The following DACH1 variants were observed in gnomAD, a reference collection of about 807,000 sequenced individuals.
The protein encoded by DACH1 is dachshund homolog 1.
In DACH1, 12 loss-of-function variants were observed where a neutral mutation model predicts 54.2. That is an observed-to-expected ratio of 0.22 (90% CI 0.14 to 0.36). DACH1 has a LOEUF of 0.36. Ranked by LOEUF, DACH1 falls within the 10% of genes least tolerant of loss-of-function variation. The probability of loss-of-function intolerance (pLI) is 1.00; values close to 1 mark genes in which losing one functional copy is unlikely to be tolerated. For synonymous variants in DACH1, 386 were observed against 366.2 expected, an observed-to-expected ratio of 1.05 and a Z score of -0.62; for missense variants, 805 against 929.8, an observed-to-expected ratio of 0.87 and a Z score of 1.75.
rs1477754111 is a variant in DACH1, at chr13:71,600,056, T to G, written c.1127-27044A>C. On this transcript the variant is annotated intron_variant, in intron 3 of 10. Coordinates refer to ENST00000613252, the MANE Select transcript of DACH1 (RefSeq NM_080759.6). ...AATATCTGAATGTCTTAATCAGTTA[T>G]TTGAAACTCACAGAAAGAGGAACTA... Among the ~76,000 whole-genome samples the G allele has an allele frequency of 4.6e-5, 7 of 152,120 alleles. No homozygotes were observed. The East Asian group carries it at 1.3e-3, about 29-fold the overall frequency.
intron 3 of DACH1, among the ~76,000 whole-genome samples, chr13:71,573,839 G>T (rs764779202): frequency 3.2e-4 from 49 of 152,032 alleles, no homozygotes; most frequent in Non-Finnish European, 5.7e-4. Context: ...CGGCTATCCA[G>T]CTTAATATGA....
At chr13:71,784,177 C>G (rs930879052) in intron 1 of DACH1, among the ~76,000 whole-genome samples, 6 of 152,048 alleles carry the variant, frequency 3.9e-5, no homozygotes, top group Admixed American at 3.3e-4. Flanking sequence ...TAATTTCATA[C>G]AAGTAGGAGT....
At chr13:71,547,875 T>C (rs1019329274) in intron 6 of DACH1, among the ~76,000 whole-genome samples, 4 of 152,144 alleles carry the variant, frequency 2.6e-5, no homozygotes, top group African/African-American at 4.8e-5. Flanking sequence ...TAAATCATCC[T>C]ACCAATTTGA....
chr13:71,791,911 G>C (rs994385458), intron 1 of DACH1, among the ~76,000 whole-genome samples: 3 of 152,084 alleles, frequency 2.0e-5, no homozygotes, highest in Non-Finnish European at 4.4e-5. Flanking sequence ...TTAAAGTCTA[G>C]CTCTAGCTAG....
At chr13:71,741,699 A>G (rs1884394894) in intron 1 of DACH1, among the ~76,000 whole-genome samples, 1 of 152,122 alleles carries the variant, frequency 6.6e-6, no homozygotes, top group South Asian at 2.1e-4. Flanking sequence ...AACAGATATA[A>G]TGGATAAAGA....
intron 1 of DACH1, among the ~76,000 whole-genome samples, chr13:71,816,468 T>C (rs1887924703): frequency 1.3e-5 from 2 of 151,726 alleles, no homozygotes; most frequent in South Asian, 2.1e-4. Flanking sequence ...TGTTCAGTGC[T>C]GCACTAGTCA....
intron 1 of DACH1, among the ~76,000 whole-genome samples, chr13:71,699,790 G>T (rs142802568): frequency 6.6e-6 from 1 of 152,114 alleles, no homozygotes; most frequent in East Asian, 1.9e-4. Context: ...TTATAGGAAC[G>T]CATAACTAAC....
intron 1 of DACH1, among the ~76,000 whole-genome samples, chr13:71,865,406 C>A (rs1049556683): frequency 2.6e-5 from 4 of 152,154 alleles, no homozygotes; most frequent in Non-Finnish European, 5.9e-5. Context: ...CGCGTCTCCC[C>A]GCTCCCCGAG....
intron 6 of DACH1, among the ~76,000 whole-genome samples, chr13:71,524,376 T>G (rs1279163115): frequency 3.3e-5 from 5 of 152,160 alleles, no homozygotes; most frequent in African/African-American, 1.2e-4. Flanking sequence ...AGGAAATCAC[T>G]GAGTCAGTAA....
At chr13:71,554,725 G>T (rs1033265682) in intron 6 of DACH1, among the ~76,000 whole-genome samples, 6 of 152,258 alleles carry the variant, frequency 3.9e-5, no homozygotes, top group Admixed American at 1.3e-4. Context: ...CATTCTAGTA[G>T]TGGAAGGATA....
intron 1 of DACH1, among the ~76,000 whole-genome samples, chr13:71,864,754 T>A (rs1466756626): frequency 1.3e-5 from 1 of 79,636 alleles, no homozygotes; most frequent in Non-Finnish European, 2.7e-5. Context: ...TCCCGCCCCC[T>A]CTTGGTAGAT....
chr13:71,822,310 A>G (rs1003401509), intron 1 of DACH1, among the ~76,000 whole-genome samples: 2 of 152,236 alleles, frequency 1.3e-5, no homozygotes, highest in African/African-American at 4.8e-5. Context: ...ATCTTGCAAA[A>G]TATTACATGG....
intron 4 of DACH1, among the ~76,000 whole-genome samples, chr13:71,564,479 A>G (rs928327407): frequency 6.6e-6 from 1 of 152,020 alleles, no homozygotes; most frequent in African/African-American, 2.4e-5. Flanking sequence ...CACTGAAAAA[A>G]AAAAAAAAGG....
At chr13:71,495,094 C>G (rs1879291344) in intron 6 of DACH1, among the ~76,000 whole-genome samples, 2 of 151,922 alleles carry the variant, frequency 1.3e-5, no homozygotes, top group Non-Finnish European at 2.9e-5. Flanking sequence ...GTGTTTTGGT[C>G]TCTAATGTCT....
chr13:71,689,996 G>A (rs941745732), intron 1 of DACH1, among the ~76,000 whole-genome samples: 1 of 152,036 alleles, frequency 6.6e-6, no homozygotes, highest in African/African-American at 2.4e-5. Context: ...CTTAGTTTAA[G>A]ATATGTTAAC....
chr13:71,492,721 C>G (rs535174339), intron 6 of DACH1, among the ~76,000 whole-genome samples: 1 of 151,418 alleles, frequency 6.6e-6, no homozygotes, highest in South Asian at 2.1e-4. Context: ...TTCTCTCCCT[C>G]TCTTGTTCTG....
At chr13:71,451,517 G>A (rs1018480645) in intron 10 of DACH1, among the ~76,000 whole-genome samples, 6 of 152,104 alleles carry the variant, frequency 3.9e-5, no homozygotes, top group Non-Finnish European at 7.4e-5. Context: ...GTTATGCCTT[G>A]GGAAGAACAC....
At position 71,440,413 on chromosome 13, in the gene DACH1, G is replaced by A; in HGVS notation, c.*242C>T. Reference sequence around the variant, plus strand: ...CAGCAGCAAGTTGCAGTAATTAACTGTAAGAACTTTGATACTTGTACATTT... The same window carrying A: ...CAGCAGCAAGTTGCAGTAATTAACTATAAGAACTTTGATACTTGTACATTT... On this transcript the variant is annotated 3_prime_UTR_variant, in exon 11 of 11. Transcript: ENST00000613252. 2.3e-6 allele frequency: 1 copy of A among 427,606 alleles called. No homozygotes were observed. The highest frequency in any genetic ancestry group is 2.9e-5 in the South Asian group (1 of 34,516). The allele number at this position is 427,606 out of a possible 1,614,324, so 26.5% of individuals were successfully genotyped here.
At chr13:71,578,251 C>T (rs907850261) in intron 3 of DACH1, among the ~76,000 whole-genome samples, 1 of 152,140 alleles carries the variant, frequency 6.6e-6, no homozygotes, top group Admixed American at 6.6e-5. Context: ...GGGAACCTGA[C>T]ATTGTCAAGA....
Sources: gnomAD v4.1 joint callset for allele counts (sites outside exome capture counted in the v4.1 genomes callset) on GRCh38, gnomAD v4.1.1 for gene constraint, MANE v1.5 for transcripts, NCBI Gene and HGNC (gene_info 2026-07-23, HGNC 2026-07-21) for gene names.